ADAMTS18: variants seen among roughly 807,000 people sequenced by gnomAD.
ADAMTS18 encodes A disintegrin and metalloproteinase with thrombospondin motifs 18.
In ADAMTS18, 157 loss-of-function variants were observed where a neutral mutation model predicts 165.9. The observed-to-expected ratio is 0.95, with a 90% CI of 0.83 to 1.08. The LOEUF is 1.08. Ranked by LOEUF, ADAMTS18 falls within the 50% of genes least tolerant of loss-of-function variation. The probability of loss-of-function intolerance (pLI) is 0.00; values close to 1 mark genes in which losing one functional copy is unlikely to be tolerated. For synonymous variants in ADAMTS18, 782 were observed against 578.2 expected (o/e 1.35, Z -5.06); for missense variants, 2,040 against 1,534.0 (o/e 1.33, Z -5.51).
intron 11 of ADAMTS18, among the ~76,000 whole-genome samples, chr16:77,337,620 A>G (rs1049907325): frequency 4.6e-5 from 7 of 152,192 alleles, no homozygotes; most frequent in African/African-American, 1.4e-4. Flanking sequence ...ATTACTGACC[A>G]ATGTACCTTA....
intron 5 of ADAMTS18, 33 bp from the exon 6 acceptor site, chr16:77,363,918 A>G: frequency 2.5e-6 from 4 of 1,595,302 alleles, no homozygotes; most frequent in Non-Finnish European, 3.4e-6. Context: ...ACAAAATCTC[A>G]AAATTTTCAA....
intron 6 of ADAMTS18, among the ~76,000 whole-genome samples, chr16:77,363,400 C>A (rs2144734733): frequency 6.6e-6 from 1 of 152,200 alleles, no homozygotes; most frequent in African/African-American, 2.4e-5. Context: ...CATCTACCAG[C>A]AATCACTCAG....
intron 3 of ADAMTS18, among the ~76,000 whole-genome samples, chr16:77,398,030 G>C (rs1045963504): frequency 4.6e-5 from 7 of 151,980 alleles, no homozygotes; most frequent in African/African-American, 1.4e-4. Flanking sequence ...CTAAAGAAGA[G>C]GAAGGGCCGG....
At chr16:77,405,040 G>A (rs187281320) in intron 3 of ADAMTS18, among the ~76,000 whole-genome samples, 6 of 152,270 alleles carry the variant, frequency 3.9e-5, no homozygotes, top group South Asian at 2.1e-4. Flanking sequence ...CCACTGGTGA[G>A]GAAAAAATTC....
intron 12 of ADAMTS18, among the ~76,000 whole-genome samples, chr16:77,335,125 A>C (rs1255632285): frequency 6.7e-6 from 1 of 149,916 alleles, no homozygotes; most frequent in Non-Finnish European, 1.5e-5. Context: ...ACTTAATACT[A>C]TGAATCCTAT....
intron 3 of ADAMTS18, among the ~76,000 whole-genome samples, chr16:77,423,968 C>T (rs537235355): frequency 2.6e-5 from 4 of 152,266 alleles, no homozygotes; most frequent in Admixed American, 1.3e-4. Flanking sequence ...AGACCTTCTC[C>T]TAGTTCAAAG....
chr16:77,424,387 G>C (rs151096086), intron 3 of ADAMTS18, among the ~76,000 whole-genome samples: 1 of 151,476 alleles, frequency 6.6e-6, no homozygotes, highest in Non-Finnish European at 1.5e-5. Flanking sequence ...AGAATTGCTC[G>C]AACCCGTGAG....
In ADAMTS18 at chr16:77,283,798, T is replaced by C. The variant is rs2055194338; in HGVS notation, c.*158A>G. 4.7e-6 allele frequency: 3 copies of C among 635,758 alleles called. No homozygotes were observed. Among genetic ancestry groups the C allele is most frequent in the Admixed American group, 2.7e-5 (1 of 36,826 alleles). The allele number at this position is 635,758 out of a possible 1,614,324, so 39.4% of individuals were successfully genotyped here. On this transcript the variant is annotated 3_prime_UTR_variant, in exon 23 of 23. Coordinates refer to ENST00000282849, the MANE Select transcript of ADAMTS18 (RefSeq NM_199355.4). ...GCTTCAGGGAATTGAGCTAGAAGCC[T>C]ACTGGCAACCTGTCTGTTCCTCAGA...
At chr16:77,346,725 T>C (rs2144698701) in intron 10 of ADAMTS18, among the ~76,000 whole-genome samples, 1 of 152,326 alleles carries the variant, frequency 6.6e-6, no homozygotes, top group Non-Finnish European at 1.5e-5. Flanking sequence ...CCCAAGTTTT[T>C]AAGCTAAGCA....
chr16:77,366,844 G>C (rs2056802129), intron 4 of ADAMTS18, among the ~76,000 whole-genome samples: 1 of 152,012 alleles, frequency 6.6e-6, no homozygotes. Flanking sequence ...ATAATATTTT[G>C]TACATGTTGG....
intron 3 of ADAMTS18, among the ~76,000 whole-genome samples, chr16:77,371,837 C>G (rs1183629102): frequency 2.6e-5 from 4 of 151,964 alleles, no homozygotes; most frequent in African/African-American, 7.3e-5. Flanking sequence ...AGGAGACAAC[C>G]CACAGATGGA....
intron 3 of ADAMTS18, among the ~76,000 whole-genome samples, chr16:77,382,241 C>T (rs866324417): frequency 2.6e-5 from 4 of 152,142 alleles, no homozygotes; most frequent in Admixed American, 6.5e-5. Flanking sequence ...GAGACAGAGT[C>T]GCTCTGTTGC....
intron 13 of ADAMTS18, among the ~76,000 whole-genome samples, chr16:77,324,327 C>T (rs889275250): frequency 6.6e-6 from 1 of 152,212 alleles, no homozygotes; most frequent in South Asian, 2.1e-4. Context: ...AGCATGCTTC[C>T]TACGAAATCA....
intron 9 of ADAMTS18, 37 bp from the exon 10 acceptor site, chr16:77,353,923 G>A (rs1390916655): frequency 6.8e-6 from 11 of 1,612,906 alleles, no homozygotes; most frequent in Middle Eastern, 3.3e-4. Flanking sequence ...TTACTCTGTT[G>A]ATCTGTGATC....
intron 16 of ADAMTS18, among the ~76,000 whole-genome samples, chr16:77,311,060 G>C (rs2055770495): frequency 1.3e-5 from 2 of 152,026 alleles, no homozygotes; most frequent in South Asian, 4.1e-4. Context: ...ATGAAATTTA[G>C]CTAAGATATG....
At chr16:77,425,457 T>C (rs1041084262) in intron 3 of ADAMTS18, among the ~76,000 whole-genome samples, 1 of 152,192 alleles carries the variant, frequency 6.6e-6, no homozygotes, top group African/African-American at 2.4e-5. Context: ...AGTCCACTAC[T>C]CTTGCCAGCT....
At chr16:77,363,937 G>A (rs781390360) in intron 5 of ADAMTS18, 52 bp from the exon 6 acceptor site, 1 of 1,549,588 alleles carries the variant, frequency 6.5e-7, no homozygotes, top group Non-Finnish European at 8.9e-7. Flanking sequence ...AAAACCTTAG[G>A]GGGAATCAAT....
At chr16:77,414,546 A>G (rs928758248) in intron 3 of ADAMTS18, among the ~76,000 whole-genome samples, 1 of 152,204 alleles carries the variant, frequency 6.6e-6, no homozygotes, top group Non-Finnish European at 1.5e-5. Context: ...GGCTACTAAA[A>G]AATTTAAAAT....
intron 13 of ADAMTS18, 39 bp downstream of exon 13, chr16:77,325,827 A>C (rs150951581): frequency 0.014 from 22,296 of 1,574,992 alleles, 235 homozygotes; most frequent in Non-Finnish European, 0.016. Flanking sequence ...ATTATTATCC[A>C]CATAGAGACT....
Sources: allele counts gnomAD v4.1 joint callset (sites outside exome capture counted in the v4.1 genomes callset), GRCh38; gene constraint gnomAD v4.1.1; transcripts MANE v1.5; gene names NCBI Gene and HGNC (gene_info 2026-07-23, HGNC 2026-07-21).